IFT74: variants seen among roughly 807,000 people sequenced by gnomAD.
The protein encoded by IFT74 is intraflagellar transport protein 74 homolog.
Under a neutral mutation model 96.7 loss-of-function variants are expected in IFT74, and 92 were observed. The observed-to-expected ratio is 0.95, with a 90% CI of 0.80 to 1.13. IFT74 has a LOEUF of 1.13. IFT74 is among the 50% of genes most tolerant of loss of function. IFT74 has a pLI of 0.00. For synonymous variants in IFT74, 223 were observed against 213.2 expected (o/e 1.05, Z -0.40); for missense variants, 811 against 698.2 (o/e 1.16, Z -1.82).
chr9:27,058,830 T>C (rs1037408237), intron 18 of IFT74, among the ~76,000 whole-genome samples: 2 of 152,250 alleles, frequency 1.3e-5, no homozygotes, highest in Non-Finnish European at 2.9e-5. Context: ...ATCACTAATT[T>C]ACATAATTCA....
intron 16 of IFT74, among the ~76,000 whole-genome samples, chr9:27,051,672 A>G (rs1027784380): frequency 1.3e-5 from 2 of 152,242 alleles, no homozygotes; most frequent in African/African-American, 4.8e-5. Context: ...ATGAAGTCAT[A>G]CAGTATTTGT....
chr9:26,952,558 T>G (rs565726557), upstream of IFT74, among the ~76,000 whole-genome samples: 11 of 152,334 alleles, frequency 7.2e-5, no homozygotes, highest in East Asian at 1.9e-3. Flanking sequence ...ATTACAGGCG[T>G]GAGCCACTGT....
In IFT74 at chr9:27,046,754, A is replaced by G. The variant is rs552736100; in HGVS notation, c.1109-520A>G. 2.6e-5 allele frequency among the ~76,000 whole-genome samples: 4 copies of G among 152,322 alleles called. No individual in the cohort carries two copies. The South Asian group carries it at 8.3e-4, about 32-fold the overall frequency. ...TATCAGCTATTTCTTTTGAGCTTAT[A>G]TTTATAACTTTCTGATTTACTTATA... On this transcript the variant is annotated intron_variant, in intron 14 of 19. Transcript: ENST00000380062.
intron 6 of IFT74, among the ~76,000 whole-genome samples, chr9:26,988,087 G>A (rs56382216): frequency 0.027 from 4,101 of 152,012 alleles, 63 homozygotes; most frequent in Non-Finnish European, 0.04. Flanking sequence ...CTAGTAGCTG[G>A]GATTACAGGC....
intron 18 of IFT74, among the ~76,000 whole-genome samples, chr9:27,059,598 C>T (rs1378412388): frequency 6.6e-6 from 1 of 152,146 alleles, no homozygotes; most frequent in Non-Finnish European, 1.5e-5. Flanking sequence ...TTCCTTAAGT[C>T]CATCTTAACT....
At chr9:27,040,320 G>A (rs376909975) in intron 13 of IFT74, among the ~76,000 whole-genome samples, 3 of 152,112 alleles carry the variant, frequency 2.0e-5, no homozygotes, top group East Asian at 3.9e-4. Flanking sequence ...GGAGGCTGAA[G>A]TGGGGGGATC....
At chr9:26,979,592 C>T (rs1463544948) in intron 3 of IFT74, among the ~76,000 whole-genome samples, 1 of 151,922 alleles carries the variant, frequency 6.6e-6, no homozygotes, top group African/African-American at 2.4e-5. Context: ...AAGATACTAC[C>T]TCTACTTCTC....
chr9:27,030,522 T>A (rs1830071377), intron 13 of IFT74, among the ~76,000 whole-genome samples: 2 of 121,440 alleles, frequency 1.6e-5, no homozygotes, highest in South Asian at 5.4e-4. Flanking sequence ...CACTCCAGCC[T>A]GGGTGACAGA....
intron 10 of IFT74, among the ~76,000 whole-genome samples, chr9:27,014,057 T>C (rs903942736): frequency 6.6e-6 from 1 of 152,018 alleles, no homozygotes; most frequent in Non-Finnish European, 1.5e-5. Flanking sequence ...TTACTAAAAA[T>C]ACAAAAAATT....
At chr9:27,062,413 T>G (rs1820466717) in intron 19 of IFT74, among the ~76,000 whole-genome samples, 1 of 152,184 alleles carries the variant, frequency 6.6e-6, no homozygotes, top group South Asian at 2.1e-4. Flanking sequence ...TTATATTGTA[T>G]ATGAATTTTT....
At chr9:26,995,983 G>C in intron 8 of IFT74, 1 of 699,794 alleles carries the variant, frequency 1.4e-6, no homozygotes, top group Non-Finnish European at 2.2e-6. Context: ...TTTAGATTTT[G>C]TTTGGTGGAT....
At chr9:27,022,395 AT>A (rs1829652204) in intron 12 of IFT74, among the ~76,000 whole-genome samples, 1 of 152,044 alleles carries the variant, frequency 6.6e-6, no homozygotes, top group Non-Finnish European at 1.5e-5. Context: ...TGGGAATTGC[AT>A]TGAACTTGTA....
chr9:26,951,137 A>C (rs558398300), intron 1 of IFT74, among the ~76,000 whole-genome samples: 15 of 152,374 alleles, frequency 9.8e-5, no homozygotes, highest in African/African-American at 3.4e-4. Flanking sequence ...TAAACATCAC[A>C]GTTTGTGTAA....
chr9:27,053,911 C>T (rs904191162), intron 16 of IFT74, among the ~76,000 whole-genome samples: 7 of 152,104 alleles, frequency 4.6e-5, no homozygotes, highest in Admixed American at 2.0e-4. Context: ...TATTTCTAAC[C>T]GTGGTAGAGA....
chr9:26,988,594 C>G (rs1827732951), intron 6 of IFT74, 75 bp from the exon 7 acceptor site: 23 of 1,274,200 alleles, frequency 1.8e-5, no homozygotes, highest in Non-Finnish European at 2.5e-5. Context: ...GACTGAATAC[C>G]TATATTATTA....
At position 26,999,770 on chromosome 9, in the gene IFT74, C is replaced by CTTTT. The variant is rs1179000269; in HGVS notation, c.588-9232_588-9229dup. On this transcript the variant is annotated intron_variant, in intron 8 of 19. Transcript: ENST00000380062. Reference sequence around the variant, plus strand: ...TTTCCCTCTTTTGAATCTGTTTATTCTTTTTTTTTTTTTTTTTTTTTGGCT... The same window carrying CTTTT: ...TTTCCCTCTTTTGAATCTGTTTATTCTTTTTTTTTTTTTTTTTTTTTTTTTGGCT... The CTTTT allele has an allele frequency of 1.9e-3, 653 of 340,080 alleles. 9 individuals are homozygous for CTTTT. Among genetic ancestry groups the CTTTT allele is most frequent in the African/African-American group, 0.018 (516 of 28,896 alleles). The allele number at this position is 340,080 out of a possible 1,614,324, so 21.1% of individuals were successfully genotyped here.
At chr9:27,037,020 C>G (rs910451039) in intron 13 of IFT74, among the ~76,000 whole-genome samples, 1 of 151,832 alleles carries the variant, frequency 6.6e-6, no homozygotes, top group Non-Finnish European at 1.5e-5. Context: ...GGATTCAGGA[C>G]CAGCCTGGCC....
intron 16 of IFT74, among the ~76,000 whole-genome samples, chr9:27,053,161 CTTTTTTTT>C (rs58085385): frequency 1.2e-4 from 6 of 50,606 alleles, no homozygotes; most frequent in African/African-American, 2.9e-4. Flanking sequence ...CGCGCCTGGC[CTTTTTTTT>C]TTTTTTTTTT....
chr9:26,948,448 A>ATTATTATTTTTTTTTTTTTTTTTTT (rs1825819541), intron 1 of IFT74, among the ~76,000 whole-genome samples: 1 of 59,162 alleles, frequency 1.7e-5, no homozygotes, highest in Non-Finnish European at 3.8e-5. Flanking sequence ...GCTTTCCATT[A>ATTATTATTTTTTTTTTTTTTTTTTT]TTTTTTTTTT....
Sources: gnomAD v4.1 joint callset for allele counts (sites outside exome capture counted in the v4.1 genomes callset) on GRCh38, gnomAD v4.1.1 for gene constraint, MANE v1.5 for transcripts, NCBI Gene and HGNC (gene_info 2026-07-23, HGNC 2026-07-21) for gene names.